MYH13: variants seen among roughly 807,000 people sequenced by gnomAD.
MYH13 encodes myosin heavy chain 13.
Under a neutral mutation model 232.1 loss-of-function variants are expected in MYH13, and 177 were observed. That is an observed-to-expected ratio of 0.76 (90% confidence interval 0.67 to 0.86). The LOEUF is 0.86. Ranked by LOEUF, MYH13 falls within the 40% of genes least tolerant of loss-of-function variation. The pLI is 0.00. For missense variants in MYH13, 2,246 were observed against 2,405.9 expected, an observed-to-expected ratio of 0.93 and a Z score of 1.39; for synonymous variants, 884 against 923.5, an observed-to-expected ratio of 0.96 and a Z score of 0.78.
At chr17:10,309,946 A>ATTTTTT in intron 33 of MYH13, 116 bp from the exon 34 acceptor site, 1 of 691,972 alleles carries the variant, frequency 1.4e-6, no homozygotes, top group Non-Finnish European at 2.1e-6. Flanking sequence ...TTAAATTTAA[A>ATTTTTT]TTTTTTTTTT....
chr17:10,308,759 T>C (rs911986694), intron 35 of MYH13, among the ~76,000 whole-genome samples: 4 of 152,214 alleles, frequency 2.6e-5, no homozygotes, highest in South Asian at 4.1e-4. Flanking sequence ...TCTCCCTCTG[T>C]TGCCCAGGCT....
At chr17:10,347,993 G>A (rs1043454694) in intron 12 of MYH13, among the ~76,000 whole-genome samples, 2 of 152,106 alleles carry the variant, frequency 1.3e-5, no homozygotes, top group East Asian at 1.9e-4. Context: ...TTACAGGTGT[G>A]AGCCACCTTG....
At chr17:10,319,201 G>A (rs776943562) in intron 26 of MYH13, 22 bp from the exon 27 acceptor site, 1 of 1,602,280 alleles carries the variant, frequency 6.2e-7, no homozygotes, top group East Asian at 2.2e-5. Context: ...ACTCTATCAG[G>A]AATGTTATTG....
chr17:10,357,673 T>C, intron 8 of MYH13, 62 bp downstream of exon 8: 1 of 1,493,156 alleles, frequency 6.7e-7, no homozygotes, highest in South Asian at 1.2e-5. Context: ...GTTTTTCATA[T>C]CCAGCATTTC....
chr17:10,308,961 T>C (rs1406520543), intron 35 of MYH13, among the ~76,000 whole-genome samples: 1 of 152,272 alleles, frequency 6.6e-6, no homozygotes, highest in East Asian at 1.9e-4. Context: ...CCTTACGTAA[T>C]AATTAATCCT....
rs1456930551 is a variant in MYH13 at position 10,301,460 on chromosome 17, G to C, written c.5802+109C>G. ...GCTCTTACCTGGTCCCCACATCTCA[G>C]GTACCTGCCCTTATCTGGCCTCCCA... On this transcript the variant is annotated intron_variant, in intron 40 of 40. Transcript: ENST00000252172. The C allele has an allele frequency of 5.9e-6, 9 of 1,519,590 alleles. No individual in the cohort carries two copies. In the East Asian group the frequency reaches 2.0e-4, roughly 34 times the overall value. 94.1% of individuals were successfully genotyped at this position (1,519,590 alleles called of 1,614,324 possible).
At chr17:10,302,766 G>A (rs192271489) in intron 39 of MYH13, among the ~76,000 whole-genome samples, 1 of 152,230 alleles carries the variant, frequency 6.6e-6, no homozygotes, top group Non-Finnish European at 1.5e-5. Flanking sequence ...GAGGAAGGCT[G>A]GAGATGCCTA....
intron 23 of MYH13, among the ~76,000 whole-genome samples, chr17:10,322,657 G>A (rs1201491184): frequency 2.1e-5 from 3 of 143,010 alleles, no homozygotes; most frequent in Non-Finnish European, 3.0e-5. Context: ...TTTTTGAGAG[G>A]GAGTCTCACT....
intron 37 of MYH13, among the ~76,000 whole-genome samples, chr17:10,305,568 CCTT>C (rs1422878410): frequency 6.6e-6 from 1 of 152,160 alleles, no homozygotes; most frequent in African/African-American, 2.4e-5. Flanking sequence ...AAAGTTGTCT[CCTT>C]CTCTTTTCCT....
rs34889608 is a variant in MYH13 at position 10,306,220 on chromosome 17, ATGTGTG to A, written c.5466+233_5466+238del. The stretch of plus-strand genomic sequence containing the variant: ...CTGAGGTGTGAGCATACCAAAATAG[ATGTGTG>A]TGTGTGTGTGTGTGTGTGTGTGTGT... On this transcript the variant is annotated intron_variant, in intron 37 of 40. Coordinates refer to ENST00000252172, the MANE Select transcript of MYH13 (RefSeq NM_003802.3). This position sits in a 1 kb window ranked among gnomAD's most constrained non-coding sequence, Gnocchi z 4.3. Among the ~76,000 whole-genome samples, 13,000 of 129,940 alleles carry A rather than the reference ATGTGTG, an allele frequency of 0.1. 688 individuals carry two copies. The highest frequency in any genetic ancestry group is 0.26 in the East Asian group (1,157 of 4,492). 85.2% of individuals were successfully genotyped at this position (129,940 alleles called of 152,430 possible). A position where few individuals can be genotyped will look rare whatever the true frequency, so the allele number is the denominator to read the frequency against.
rs1041086027 is a variant in MYH13, at chr17:10,343,835, G to C, written c.1859C>G (p.Ser620Cys). 1 of 1,609,140 alleles carries C rather than the reference G, an allele frequency of 6.2e-7. No homozygotes were observed. The highest frequency in any genetic ancestry group is 1.3e-5 in the African/African-American group (1 of 74,678). The change falls in exon 16 of 41, where the codon TCC becomes TGC. Residue 620 changes from serine to cysteine, a missense_variant. Physicochemically the swap from Ser to Cys is moderately radical, Grantham distance 112. Transcript: ENST00000252172. ...ACCAGCATAGTTGGAAAAAAGGAAG[G>C]AGAGAAGCTTCAGCGAAGACTTCTG... ...LYQKSSLKLLSFLFSNYAGAE... is the reference protein window; with the variant it reads ...LYQKSSLKLLCFLFSNYAGAE...
rs754113209 is a variant in MYH13, at chr17:10,313,315, G to C, written c.4024C>G (p.His1342Asp). 6.2e-7 allele frequency: 1 copy of C among 1,614,264 alleles called. No homozygotes were observed. Among genetic ancestry groups the C allele is most frequent in the Non-Finnish European group, 8.5e-7 (1 of 1,180,054 alleles). ...TGTTCCCGCAGCAGGTCACAGTCGT[G>C]GCGGGAGGACTGCAGGGCGTGCGCC... ...AMAHALQSSR[H>D]DCDLLREQYE... The change falls in exon 30 of 41, where the codon CAC becomes GAC. Residue 1342 changes from histidine (H) to aspartate (D), a missense_variant. By Grantham distance (81) the His-to-Asp change is moderately conservative. Transcript: ENST00000252172.
intron 9 of MYH13, 29 bp downstream of exon 9, chr17:10,355,055 C>T: frequency 6.2e-7 from 1 of 1,609,056 alleles, no homozygotes; most frequent in Middle Eastern, 1.7e-4. Flanking sequence ...GCCAAAACAC[C>T]AACGGATTTA....
rs1266110568 is a variant in MYH13, at chr17:10,306,220, A to ATATG, written c.5466+238_5466+239insCATA. On this transcript the variant is annotated intron_variant, in intron 37 of 40. Coordinates refer to ENST00000252172, the MANE Select transcript of MYH13 (RefSeq NM_003802.3). The surrounding 1 kb of genome is among the most constrained non-coding windows in gnomAD (Gnocchi z 4.3). ...CTGAGGTGTGAGCATACCAAAATAG[A>ATATG]TGTGTGTGTGTGTGTGTGTGTGTGT... 1.2e-4 allele frequency among the ~76,000 whole-genome samples: 15 copies of ATATG among 130,036 alleles called. No homozygotes were observed. Among genetic ancestry groups the ATATG allele is most frequent in the Admixed American group, 1.0e-3 (13 of 12,962 alleles). 85.3% of individuals were successfully genotyped at this position (130,036 alleles called of 152,430 possible). A position where few individuals can be genotyped will look rare whatever the true frequency, so the allele number is the denominator to read the frequency against.
intron 23 of MYH13, among the ~76,000 whole-genome samples, chr17:10,322,338 C>A (rs1010846514): frequency 1.2e-4 from 18 of 152,114 alleles, no homozygotes; most frequent in African/African-American, 4.1e-4. Flanking sequence ...GCAGAGGTTG[C>A]AGTGAGCTGA....
chr17:10,322,538 G>A (rs1906992653), intron 23 of MYH13, among the ~76,000 whole-genome samples: 1 of 151,714 alleles, frequency 6.6e-6, no homozygotes, highest in Non-Finnish European at 1.5e-5. Context: ...CAGATCAGAA[G>A]TTGCTAACTC....
At chr17:10,349,020 T>C (rs888063713) in intron 12 of MYH13, among the ~76,000 whole-genome samples, 1 of 150,504 alleles carries the variant, frequency 6.6e-6, no homozygotes, top group African/African-American at 2.4e-5. Context: ...TCCCTTCCCT[T>C]CCTTCTCCCT....
At chr17:10,305,957 G>A (rs1414769690) in intron 37 of MYH13, among the ~76,000 whole-genome samples, 1 of 152,136 alleles carries the variant, frequency 6.6e-6, no homozygotes, top group Non-Finnish European at 1.5e-5. Flanking sequence ...ACTGACAGAT[G>A]AGAAAAGCTG....
intron 13 of MYH13, among the ~76,000 whole-genome samples, 154 bp from the exon 14 acceptor site, chr17:10,345,770 G>A (rs1812043): frequency 0.22 from 33,299 of 151,862 alleles, 4,499 homozygotes; most frequent in East Asian, 0.54. Context: ...CAAGGCGGGC[G>A]GATCACGAGG....
Sources: gnomAD v4.1 joint callset for allele counts (sites outside exome capture counted in the v4.1 genomes callset) on GRCh38, gnomAD v4.1.1 for gene constraint, Gnocchi (gnomAD v3.1) non-coding constraint, MANE v1.5 for transcripts, NCBI Gene and HGNC (gene_info 2026-07-23, HGNC 2026-07-21) for gene names.